RAB9B: variants seen among roughly 807,000 people sequenced by gnomAD.
The protein encoded by RAB9B is RAB9B, member RAS oncogene family.
RAB9B carries 1 observed loss-of-function variant against 8.9 expected under a neutral mutation model. The ratio of observed to expected loss-of-function variants is 0.11; its 90% CI spans 0.04 to 0.53. RAB9B has a LOEUF of 0.53. Ranked by LOEUF, RAB9B falls within the 20% of genes least tolerant of loss-of-function variation. The probability of loss-of-function intolerance (pLI) is 0.93; values close to 1 mark genes in which losing one functional copy is unlikely to be tolerated. For synonymous variants in RAB9B, 63 were observed against 57.0 expected, an observed-to-expected ratio of 1.10 and a Z score of -0.47; for missense variants, 82 against 152.9, an observed-to-expected ratio of 0.54 and a Z score of 2.45.
the RAB9B span, among the ~76,000 whole-genome samples, chrX:103,781,518 G>T: frequency 8.9e-6 from 1 of 112,174 alleles, no homozygotes; most frequent in Non-Finnish European, 1.9e-5. Context: ...CTTGCTTATA[G>T]GTAGCTTTAG....
chrX:103,808,964 A>G, the RAB9B span, among the ~76,000 whole-genome samples: 1 of 113,187 alleles, frequency 8.8e-6, no homozygotes, highest in East Asian at 2.8e-4. Flanking sequence ...TCACCTTTCA[A>G]GCCTATTAAT....
chrX:103,808,478 C>A, the RAB9B span, among the ~76,000 whole-genome samples: 3 of 112,375 alleles, frequency 2.7e-5, no homozygotes, highest in East Asian at 8.4e-4. Context: ...ATATCGTCTC[C>A]CAGAAGAGGC....
chrX:103,812,925 T>G, the RAB9B span, among the ~76,000 whole-genome samples: 1 of 106,539 alleles, frequency 9.4e-6, no homozygotes, highest in Non-Finnish European at 1.9e-5. Flanking sequence ...GTTCCTGAGT[T>G]TTTTTTTTTT....
chrX:103,790,379 C>G, the RAB9B span: 1 of 549,683 alleles, frequency 1.8e-6, no homozygotes, highest in South Asian at 2.4e-5. Context: ...GAAAGCCAAG[C>G]CTGGGATGTA....
At chrX:103,794,074 A>G in the RAB9B span, among the ~76,000 whole-genome samples, 2 of 111,787 alleles carry the variant, frequency 1.8e-5, no homozygotes, top group African/African-American at 6.5e-5. Flanking sequence ...CAGTGTGGGT[A>G]GAAAGGTGAT....
the RAB9B span, chrX:103,787,778 C>T: frequency 5.0e-6 from 6 of 1,195,444 alleles, no homozygotes; most frequent in Non-Finnish European, 6.8e-6. Context: ...TTTCTAACCA[C>T]CCCATGTCAA....
chrX:103,801,726 T>C, the RAB9B span, among the ~76,000 whole-genome samples: 2 of 112,286 alleles, frequency 1.8e-5, no homozygotes, highest in Non-Finnish European at 3.8e-5. Context: ...GTGGTAGAAC[T>C]ATGTTTTAAA....
chrX:103,794,147 C>T, the RAB9B span, among the ~76,000 whole-genome samples: 5 of 111,613 alleles, frequency 4.5e-5, no homozygotes, highest in African/African-American at 1.6e-4. Flanking sequence ...AGGTCTTCCA[C>T]GGTAAACTGG....
At chrX:103,816,268 A>G in the RAB9B span, among the ~76,000 whole-genome samples, 1 of 111,286 alleles carries the variant, frequency 9.0e-6, no homozygotes, top group Non-Finnish European at 1.9e-5. Context: ...GGTCTCAGAA[A>G]TAACACCACA....
In RAB9B at chrX:103,831,488, G is replaced by T. The variant is rs751579511; in HGVS notation, c.-117+572C>A. ...TAACCTTTCACTGCTCACAACGACA[G>T]CTCTAGGGCTATAAGCCCAAAGGCA... On this transcript the variant is annotated intron_variant, in intron 1 of 2. Transcript: ENST00000243298. Among the ~76,000 whole-genome samples, 4 of 99,188 alleles carry T rather than the reference G, an allele frequency of 4.0e-5. No homozygotes were observed. The South Asian group carries it at 2.1e-3, about 53-fold the overall frequency. 86.1% of individuals were successfully genotyped at this position (99,188 alleles called of 115,157 possible). A position where few individuals can be genotyped will look rare whatever the true frequency, so the allele number is the denominator to read the frequency against.
chrX:103,777,479 C>T, the RAB9B span, among the ~76,000 whole-genome samples: 1 of 112,046 alleles, frequency 8.9e-6, no homozygotes, highest in South Asian at 3.7e-4. Context: ...TGGACTCAGG[C>T]TTGGCTATGG....
the RAB9B span, among the ~76,000 whole-genome samples, chrX:103,796,847 C>CAAAAAAAAA: frequency 8.3e-5 from 1 of 12,107 alleles, no homozygotes; most frequent in Non-Finnish European, 1.6e-4. Flanking sequence ...ACCGCCTCTA[C>CAAAAAAAAA]AAAAAAAAAA....
At chrX:103,822,210 T>C (rs1462896993), downstream of RAB9B, 4 of 111,925 alleles carry the variant, frequency 3.6e-5, no homozygotes, top group African/African-American at 1.3e-4. Context: ...ACATGAAACA[T>C]GATCCAGAGG....
chrX:103,820,300 T>G (rs1048975585), downstream of RAB9B, among the ~76,000 whole-genome samples: 1 of 112,123 alleles, frequency 8.9e-6, no homozygotes. Context: ...AATTTTACAT[T>G]TCCACAGCAA....
chrX:103,812,698 C>A, the RAB9B span, among the ~76,000 whole-genome samples: 1 of 111,600 alleles, frequency 9.0e-6, no homozygotes, highest in South Asian at 3.8e-4. Context: ...ATGACAGACT[C>A]TGGGAAAATT....
the RAB9B span, among the ~76,000 whole-genome samples, chrX:103,804,730 C>G: frequency 9.0e-6 from 1 of 111,678 alleles, no homozygotes; most frequent in Admixed American, 9.6e-5. Flanking sequence ...GTGTACAACT[C>G]TTGCACTTTT....
At chrX:103,802,064 A>C in the RAB9B span, among the ~76,000 whole-genome samples, 1 of 111,130 alleles carries the variant, frequency 9.0e-6, no homozygotes, top group Non-Finnish European at 1.9e-5. Context: ...TAAAAAGTAC[A>C]TAATACATAA....
chrX:103,826,901 T>C (rs1480040350), intron 2 of RAB9B, 104 bp downstream of exon 2: 3 of 111,733 alleles, frequency 2.7e-5, no homozygotes, highest in Non-Finnish European at 5.7e-5. Context: ...AAAATGATTT[T>C]GGAATGCCTA....
chrX:103,797,280 C>T, the RAB9B span, among the ~76,000 whole-genome samples: 899 of 109,618 alleles, frequency 8.2e-3, 10 homozygotes, highest in African/African-American at 0.028. Context: ...TTTGTAGAGA[C>T]GTGGTTTTGC....
Sources: allele counts gnomAD v4.1 joint callset (sites outside exome capture counted in the v4.1 genomes callset), GRCh38; gene constraint gnomAD v4.1.1; transcripts MANE v1.5; gene names NCBI Gene and HGNC (gene_info 2026-07-23, HGNC 2026-07-21).